Variants in GRID2 observed in about 807,000 individuals in gnomAD.
GRID2 encodes glutamate ionotropic receptor delta type subunit 2.
A neutral mutation model predicts 114.8 loss-of-function variants in GRID2; 33 were observed. That is an observed-to-expected ratio of 0.29 (90% CI 0.22 to 0.38). The LOEUF is 0.38. Ranked by LOEUF, GRID2 falls within the 10% of genes least tolerant of loss-of-function variation. The pLI, the probability that GRID2 is intolerant of heterozygous loss-of-function variation, is 1.00. For missense variants in GRID2, 1,184 were observed against 1,257.7 expected (o/e 0.94, Z 0.89); for synonymous variants, 505 against 449.9 (o/e 1.12, Z -1.55).
At chr4:92,390,410 T>C (rs754324433) in intron 1 of GRID2, among the ~76,000 whole-genome samples, 21 of 152,088 alleles carry the variant, frequency 1.4e-4, no homozygotes, top group Non-Finnish European at 2.1e-4. Context: ...TATAGAAATA[T>C]AGAATTTAAG....
At chr4:93,685,369 C>G (rs141101259) in intron 14 of GRID2, among the ~76,000 whole-genome samples, 1 of 152,038 alleles carries the variant, frequency 6.6e-6, no homozygotes. Context: ...CTAGCTCAGA[C>G]GTCACATCCT....
At chr4:93,533,245 T>TTCCTTCCTTCCTTC (rs1731637414) in intron 13 of GRID2, among the ~76,000 whole-genome samples, 1 of 105,718 alleles carries the variant, frequency 9.5e-6, no homozygotes, top group Admixed American at 1.0e-4. Flanking sequence ...TTTCTTTCTC[T>TTCCTTCCTTCCTTC]CTTCCTTCCT....
At chr4:92,788,293 G>A (rs79335759) in intron 2 of GRID2, among the ~76,000 whole-genome samples, 5,000 of 151,904 alleles carry the variant, frequency 0.033, 140 homozygotes, top group East Asian at 0.12. Context: ...ATCAGAATCA[G>A]AAATGAGGAA....
intron 13 of GRID2, among the ~76,000 whole-genome samples, chr4:93,547,194 A>G (rs1347216697): frequency 1.3e-5 from 2 of 152,196 alleles, no homozygotes; most frequent in African/African-American, 4.8e-5. Context: ...TAAAACTCCT[A>G]TAATAGACTA....
At chr4:93,382,206 G>A (rs1208061070) in intron 8 of GRID2, among the ~76,000 whole-genome samples, 1 of 151,960 alleles carries the variant, frequency 6.6e-6, no homozygotes, top group African/African-American at 2.4e-5. Context: ...CATTTCAAAG[G>A]TTGATAATGT....
intron 14 of GRID2, among the ~76,000 whole-genome samples, chr4:93,763,273 A>C (rs749826844): frequency 1.3e-5 from 2 of 152,184 alleles, no homozygotes; most frequent in Non-Finnish European, 2.9e-5. Flanking sequence ...AATTCTCTCA[A>C]GTAGATTGAG....
rs1222069547 is a variant in GRID2 at position 93,150,216 on chromosome 4, A to G, written c.735+39263A>G. On this transcript the variant is annotated intron_variant, in intron 4 of 15. Transcript: ENST00000282020. ...AGTTGTACATATTTAAATGTTGTATAGTGTTTTGAGTGGAAAATTTAAGGA... is the reference window on the plus strand; with the variant it reads ...AGTTGTACATATTTAAATGTTGTATGGTGTTTTGAGTGGAAAATTTAAGGA... 3.9e-5 allele frequency among the ~76,000 whole-genome samples: 6 copies of G among 152,130 alleles called. No individual in the cohort carries two copies. The East Asian group carries it at 1.2e-3, about 29-fold the overall frequency.
chr4:93,277,634 C>T (rs183732747), intron 8 of GRID2, among the ~76,000 whole-genome samples: 1 of 151,986 alleles, frequency 6.6e-6, no homozygotes, highest in Non-Finnish European at 1.5e-5. Flanking sequence ...AATTTAATTA[C>T]ACATTGAACA....
chr4:93,387,506 T>C (rs1021347392), intron 8 of GRID2, among the ~76,000 whole-genome samples: 3 of 152,090 alleles, frequency 2.0e-5, no homozygotes, highest in African/African-American at 4.8e-5. Context: ...TGGCTATGTA[T>C]TGAGATACTT....
intron 5 of GRID2, among the ~76,000 whole-genome samples, chr4:93,213,500 A>C (rs944207025): frequency 6.6e-6 from 1 of 152,170 alleles, no homozygotes; most frequent in African/African-American, 2.4e-5. Flanking sequence ...TCATTCATTA[A>C]ATAAATTTTG....
intron 1 of GRID2, among the ~76,000 whole-genome samples, chr4:92,402,738 T>A (rs1170318521): frequency 6.6e-6 from 1 of 152,190 alleles, no homozygotes. Flanking sequence ...TTAAGGCCCC[T>A]AGGATGTTCA....
intron 2 of GRID2, among the ~76,000 whole-genome samples, chr4:92,798,845 T>C (rs1311176285): frequency 6.6e-6 from 1 of 152,012 alleles, no homozygotes; most frequent in Non-Finnish European, 1.5e-5. Flanking sequence ...AGGGGCACTT[T>C]GTATGCTACT....
intron 2 of GRID2, among the ~76,000 whole-genome samples, chr4:92,918,470 A>G (rs1749012346): frequency 6.6e-6 from 1 of 152,172 alleles, no homozygotes; most frequent in African/African-American, 2.4e-5. Context: ...CCCACTCAGT[A>G]TGATATTGGC....
At chr4:93,151,946 A>C (rs1736776553) in intron 4 of GRID2, among the ~76,000 whole-genome samples, 1 of 152,160 alleles carries the variant, frequency 6.6e-6, no homozygotes, top group Admixed American at 6.6e-5. Context: ...GACATGAATC[A>C]GCCTCAATGT....
Position 93,448,813 on chromosome 4 carries a change from T to C in GRID2, c.1546-6849T>C, listed in dbSNP as rs1226122970. Among the ~76,000 whole-genome samples, 93 of 10,260 alleles carry C rather than the reference T, an allele frequency of 9.1e-3. 1 individual carries two copies. The highest frequency in any genetic ancestry group is 0.037 in the African/African-American group (89 of 2,374). The allele number at this position is 10,260 out of a possible 152,430, so 6.7% of individuals were successfully genotyped here. A position where few individuals can be genotyped will look rare whatever the true frequency, so the allele number is the denominator to read the frequency against. On this transcript the variant is annotated intron_variant, in intron 10 of 15. Transcript: ENST00000282020. ...CCCCTTCCCTTCCCTTCCCTTCCCT[T>C]CCCTTCCCTTCCCTTCCCTTCCCTT...
chr4:93,067,848 T>C (rs1728444859), intron 2 of GRID2, among the ~76,000 whole-genome samples: 2 of 152,034 alleles, frequency 1.3e-5, no homozygotes, highest in South Asian at 4.1e-4. Context: ...CCAACTAGTT[T>C]AGGCTAAATT....
At chr4:92,464,653 C>CA (rs1329221323) in intron 1 of GRID2, among the ~76,000 whole-genome samples, 1 of 151,756 alleles carries the variant, frequency 6.6e-6, no homozygotes. Context: ...GAATCAAAGA[C>CA]AAAAAAGACA....
chr4:93,553,857 T>A (rs1482939951), intron 13 of GRID2, among the ~76,000 whole-genome samples: 1 of 152,196 alleles, frequency 6.6e-6, no homozygotes, highest in Non-Finnish European at 1.5e-5. Flanking sequence ...ATCTTCTTAA[T>A]CATGTGTCCT....
rs1174197910 is a variant in GRID2, at chr4:92,573,518, T to C, written c.89-16613T>C. Reference sequence around the variant, plus strand: ...GTTAATCTGGTATGTTGTTTCTCTGTTGTCATTAGTTACAAAGAACTTGTT... The same window carrying C: ...GTTAATCTGGTATGTTGTTTCTCTGCTGTCATTAGTTACAAAGAACTTGTT... On this transcript the variant is annotated intron_variant, in intron 1 of 15. Transcript: ENST00000282020. Among the ~76,000 whole-genome samples, 3 of 152,188 alleles carry C rather than the reference T, an allele frequency of 2.0e-5. No homozygotes were observed. In the East Asian group the frequency reaches 5.8e-4, roughly 29 times the overall value.
Sources: allele counts gnomAD v4.1 joint callset (sites outside exome capture counted in the v4.1 genomes callset), GRCh38; gene constraint gnomAD v4.1.1; transcripts MANE v1.5; gene names NCBI Gene and HGNC (gene_info 2026-07-23, HGNC 2026-07-21).